Variants in ANKRD12 observed in about 807,000 individuals in gnomAD.
ANKRD12 encodes ankyrin repeat domain-containing protein 12.
In ANKRD12, 85 loss-of-function variants were observed where a neutral mutation model predicts 183.4. The observed-to-expected ratio is 0.46, with a 90% CI of 0.39 to 0.56. The LOEUF is 0.56. ANKRD12 is among the 20% of genes least tolerant of loss of function. ANKRD12 has a pLI of 0.00. For missense variants in ANKRD12, 2,405 were observed against 2,357.1 expected (o/e 1.02, Z -0.42); for synonymous variants, 914 against 800.2 (o/e 1.14, Z -2.40).
chr18:9,232,983 G>T (rs2037141087), intron 8 of ANKRD12, among the ~76,000 whole-genome samples: 1 of 151,908 alleles, frequency 6.6e-6, no homozygotes, highest in African/African-American at 2.4e-5. Flanking sequence ...CCGAGTAGCT[G>T]GGATTACTGG....
chr18:9,245,610 T>G (rs184577969), intron 8 of ANKRD12, among the ~76,000 whole-genome samples: 1 of 152,322 alleles, frequency 6.6e-6, no homozygotes, highest in Admixed American at 6.5e-5. Flanking sequence ...AGGTAAAGAA[T>G]AGACAAACAC....
At chr18:9,152,651 C>G (rs2078720613) in intron 1 of ANKRD12, among the ~76,000 whole-genome samples, 2 of 151,738 alleles carry the variant, frequency 1.3e-5, no homozygotes, top group Non-Finnish European at 2.9e-5. Context: ...TTCTATTTAC[C>G]ACACTTAAAA....
intron 8 of ANKRD12, among the ~76,000 whole-genome samples, chr18:9,222,680 A>G (rs911767007): frequency 3.3e-5 from 5 of 152,164 alleles, no homozygotes; most frequent in South Asian, 2.1e-4. Context: ...TATATTACAC[A>G]TGAGGGAATA....
chr18:9,279,251 G>A (rs2039996806), intron 11 of ANKRD12, among the ~76,000 whole-genome samples: 1 of 152,124 alleles, frequency 6.6e-6, no homozygotes, highest in African/African-American at 2.4e-5. Flanking sequence ...CAGTAATAAT[G>A]TCACGGGCAC....
chr18:9,157,555 G>GTA (rs199894678), intron 1 of ANKRD12, among the ~76,000 whole-genome samples: 8,210 of 83,672 alleles, frequency 0.098, 401 homozygotes, highest in African/African-American at 0.14. Flanking sequence ...GTGTGGGTGT[G>GTA]TGTGTGTGTG....
At chr18:9,148,564 A>G (rs1002538704) in intron 1 of ANKRD12, among the ~76,000 whole-genome samples, 4 of 152,224 alleles carry the variant, frequency 2.6e-5, no homozygotes, top group Non-Finnish European at 4.4e-5. Flanking sequence ...GATAAATACA[A>G]CAGATAAATG....
intron 1 of ANKRD12, among the ~76,000 whole-genome samples, chr18:9,153,144 T>C (rs149125589): frequency 5.9e-4 from 90 of 152,302 alleles, no homozygotes; most frequent in African/African-American, 2.0e-3. Context: ...CATAGATTTA[T>C]TTCTATTATT....
intron 1 of ANKRD12, among the ~76,000 whole-genome samples, chr18:9,176,894 G>A (rs2033314532): frequency 6.6e-6 from 1 of 152,106 alleles, no homozygotes; most frequent in Admixed American, 6.5e-5. Flanking sequence ...ATATTTTACT[G>A]CTGTAAATTA....
chr18:9,174,016 C>T (rs1448182789), intron 1 of ANKRD12, among the ~76,000 whole-genome samples: 4 of 152,330 alleles, frequency 2.6e-5, no homozygotes, highest in Non-Finnish European at 5.9e-5. Flanking sequence ...CTGAAATTCC[C>T]TCAGGGAGGC....
At chr18:9,254,105 G>A in intron 8 of ANKRD12, 106 bp from the exon 9 acceptor site, 3 of 1,216,098 alleles carry the variant, frequency 2.5e-6, no homozygotes, top group Non-Finnish European at 3.2e-6. Context: ...TGAATTGTTT[G>A]AAATATGTAT....
At position 9,284,616 on chromosome 18, in the gene ANKRD12, T is replaced by C. The variant is rs1451124682; in HGVS notation, c.*3490T>C. 1 of 152,208 alleles carries C rather than the reference T, an allele frequency of 6.6e-6. No individual in the cohort carries two copies. Among genetic ancestry groups the C allele is most frequent in the African/African-American group, 2.4e-5 (1 of 41,464 alleles). The allele number at this position is 152,208 out of a possible 1,614,324, so 9.4% of individuals were successfully genotyped here. A position where few individuals can be genotyped will look rare whatever the true frequency, so the allele number is the denominator to read the frequency against. ...AGTGGTTAAAATATCTTGTAATTCA[T>C]CATTATTTAAGTGACTTCTTGGGAG... On this transcript the variant is annotated 3_prime_UTR_variant, in exon 13 of 13. Transcript: ENST00000262126.
Position 9,225,134 on chromosome 18 carries a change from A to G in ANKRD12, c.943+3135A>G, listed in dbSNP as rs1312802332. On this transcript the variant is annotated intron_variant, in intron 8 of 12. Coordinates refer to ENST00000262126, the MANE Select transcript of ANKRD12 (RefSeq NM_015208.5). ...TAAAAAGACAAAAGGCTTGTGAACT[A>G]TTTGAATAAATAAACAATATAGGGA... Among the ~76,000 whole-genome samples the G allele has an allele frequency of 6.5e-5, 2 of 30,560 alleles. 1 individual carries two copies. The highest frequency in any genetic ancestry group is 2.0e-4 in the Non-Finnish European group (2 of 9,886). 20.0% of individuals were successfully genotyped at this position (30,560 alleles called of 152,430 possible).
At chr18:9,237,021 A>G (rs374567564) in intron 8 of ANKRD12, among the ~76,000 whole-genome samples, 3 of 152,194 alleles carry the variant, frequency 2.0e-5, no homozygotes, top group Non-Finnish European at 4.4e-5. Context: ...GCAAACATTT[A>G]AAGATTTTAA....
At chr18:9,267,101 A>G (rs1030552805) in intron 10 of ANKRD12, among the ~76,000 whole-genome samples, 7 of 152,196 alleles carry the variant, frequency 4.6e-5, no homozygotes, top group Admixed American at 3.3e-4. Context: ...ATACAGGAGC[A>G]CCCAGATTCA....
chr18:9,172,412 T>G (rs2032829144), intron 1 of ANKRD12, among the ~76,000 whole-genome samples: 1 of 152,230 alleles, frequency 6.6e-6, no homozygotes, highest in South Asian at 2.1e-4. Context: ...GAGGTTTTGA[T>G]CATTCCTTTT....
rs73394197 is a variant in ANKRD12, at chr18:9,272,101, A to G, written c.5764-3423A>G. ...GAGGAAGCAATACATTGGCACACCC[A>G]TAACCTATCCTTAGAGGACACTGTT... On this transcript the variant is annotated intron_variant, in intron 10 of 12. Coordinates refer to ENST00000262126, the MANE Select transcript of ANKRD12 (RefSeq NM_015208.5). 4.0e-3 allele frequency among the ~76,000 whole-genome samples: 607 copies of G among 152,340 alleles called. 2 individuals carry two copies. The highest frequency in any genetic ancestry group is 0.014 in the African/African-American group (565 of 41,576).
At position 9,221,530 on chromosome 18, in the gene ANKRD12, C is replaced by T. The variant is rs868010597; in HGVS notation, c.796-322C>T. Among the ~76,000 whole-genome samples, 12 of 152,030 alleles carry T rather than the reference C, an allele frequency of 7.9e-5. No individual in the cohort carries two copies. The South Asian group carries it at 8.3e-4, about 11-fold the overall frequency. Reference sequence around the variant, plus strand: ...TGTTCATGGGTTTATTAGCAGAACTCGGAAGTGTAGATATTATAGGTTCTC... The same window carrying T: ...TGTTCATGGGTTTATTAGCAGAACTTGGAAGTGTAGATATTATAGGTTCTC... On this transcript the variant is annotated intron_variant, in intron 7 of 12. Transcript: ENST00000262126.
rs912652261 is a variant in ANKRD12 at position 9,283,052 on chromosome 18, A to G, written c.*1926A>G. On this transcript the variant is annotated 3_prime_UTR_variant, in exon 13 of 13. Coordinates refer to ENST00000262126, the MANE Select transcript of ANKRD12 (RefSeq NM_015208.5). Reference sequence around the variant, plus strand: ...CATTAAAAGCTAATTTATAAAAGCAATACTTTTTAATATGAAAACTTACTG... The same window carrying G: ...CATTAAAAGCTAATTTATAAAAGCAGTACTTTTTAATATGAAAACTTACTG... 1 of 152,590 alleles carries G rather than the reference A, an allele frequency of 6.6e-6. No homozygotes were observed. The highest frequency in any genetic ancestry group is 6.5e-5 in the Admixed American group (1 of 15,288). The allele number at this position is 152,590 out of a possible 1,614,324, so 9.5% of individuals were successfully genotyped here.
In ANKRD12 at chr18:9,182,529, T is replaced by C. The variant is rs753374916; in HGVS notation, c.87+10T>C. ...ACCATATGGAAGAAAGGTATATGAT[T>C]ATACTAAAGATTTGTTGACTTTTTG... On this transcript the variant is annotated intron_variant, in intron 2 of 12. Coordinates refer to ENST00000262126, the MANE Select transcript of ANKRD12 (RefSeq NM_015208.5). The C allele has an allele frequency of 1.3e-6, 2 of 1,524,588 alleles. No homozygotes were observed. The highest frequency in any genetic ancestry group is 1.4e-5 in the African/African-American group (1 of 71,012). 94.4% of individuals were successfully genotyped at this position (1,524,588 alleles called of 1,614,324 possible).
Sources: allele counts gnomAD v4.1 joint callset (sites outside exome capture counted in the v4.1 genomes callset), GRCh38; gene constraint gnomAD v4.1.1; transcripts MANE v1.5; gene names NCBI Gene and HGNC (gene_info 2026-07-23, HGNC 2026-07-21).